Variants in FMR1NB observed in about 807,000 individuals in gnomAD.
FMR1NB encodes the protein FMR1 neighbor, also known as FMR1 neighbor protein.
Under a neutral mutation model 16.8 loss-of-function variants are expected in FMR1NB, and 10 were observed. The observed-to-expected ratio is 0.60, with a 90% confidence interval of 0.37 to 1.01. The LOEUF (loss-of-function observed/expected upper bound fraction) is 1.01, where lower values mean the gene tolerates loss of function less well. FMR1NB is among the 50% of genes least tolerant of loss of function. FMR1NB has a pLI of 0.01. For missense variants in FMR1NB, 205 were observed against 204.8 expected (o/e 1.00, Z 0.00); for synonymous variants, 83 against 79.1 (o/e 1.05, Z -0.26).
chrX:148,004,503 C>T (rs1396027243), intron 2 of FMR1NB, among the ~76,000 whole-genome samples: 3 of 112,167 alleles, frequency 2.7e-5, no homozygotes, highest in Non-Finnish European at 3.8e-5. Context: ...TTAATAGAAA[C>T]ATCTGACCTA....
At position 148,001,357 on chromosome X, in the gene FMR1NB, A is replaced by G. The variant is rs781839714; in HGVS notation, c.278-1844A>G. On this transcript the variant is annotated intron_variant, in intron 1 of 5. Transcript: ENST00000370467. ...GAATGAATGATAAATAAGTGAACAT[A>G]ATTACCATAAAATTTAGAATTTTTT... 2.8e-4 allele frequency among the ~76,000 whole-genome samples: 31 copies of G among 112,282 alleles called. 1 individual carries two copies. Among genetic ancestry groups the G allele is most frequent in the African/African-American group, 9.1e-4 (28 of 30,898 alleles).
At chrX:147,986,133 G>T (rs1485365691) in intron 1 of FMR1NB, among the ~76,000 whole-genome samples, 2 of 111,883 alleles carry the variant, frequency 1.8e-5, no homozygotes, top group East Asian at 2.8e-4. Flanking sequence ...AGAAGTGTCT[G>T]TTCCTATCCT....
intron 1 of FMR1NB, among the ~76,000 whole-genome samples, chrX:147,990,656 AACTATAATTTCTCTGTT>A (rs1557187518): frequency 8.9e-6 from 1 of 111,756 alleles, no homozygotes; most frequent in Non-Finnish European, 1.9e-5. Flanking sequence ...AATTATTATT[AACTATAATTTCTCTGTT>A]ACAAGGGAGG....
At position 147,983,060 on chromosome X, in the gene FMR1NB, T is replaced by C. The variant is rs1691596715; in HGVS notation, c.277+1381T>C. Among the ~76,000 whole-genome samples the C allele has an allele frequency of 4.5e-5, 5 of 112,202 alleles. No homozygotes were observed. The Admixed American group carries it at 4.7e-4, about 11-fold the overall frequency. ...ATTAAAACCCATACCCATGAACCAG[T>C]TACTCCCAATTCCCCAGTCCATAAG... On this transcript the variant is annotated intron_variant, in intron 1 of 5. Transcript: ENST00000370467.
chrX:147,986,178 C>A (rs189123243), intron 1 of FMR1NB, among the ~76,000 whole-genome samples: 72 of 112,139 alleles, frequency 6.4e-4, no homozygotes, highest in Middle Eastern at 9.3e-3. Flanking sequence ...TTATTTATTT[C>A]TTGTAAATTT....
At chrX:147,999,744 T>G (rs2044561742) in intron 1 of FMR1NB, among the ~76,000 whole-genome samples, 1 of 111,707 alleles carries the variant, frequency 9.0e-6, no homozygotes, top group South Asian at 3.7e-4. Flanking sequence ...TTCACTGATA[T>G]ATCCTCAAAA....
At chrX:148,013,750 T>C (rs1752420530) in intron 4 of FMR1NB, among the ~76,000 whole-genome samples, 1 of 111,695 alleles carries the variant, frequency 9.0e-6, no homozygotes, top group Non-Finnish European at 1.9e-5. Context: ...CTCTCGTGAA[T>C]TAGATGTTTT....
chrX:148,020,933 G>T (rs144305802), intron 4 of FMR1NB, among the ~76,000 whole-genome samples: 17 of 111,774 alleles, frequency 1.5e-4, no homozygotes, highest in African/African-American at 4.5e-4. Flanking sequence ...TAAATCCACT[G>T]ACTCTTAACC....
At chrX:148,013,181 T>G (rs2044633599) in intron 4 of FMR1NB, among the ~76,000 whole-genome samples, 1 of 111,845 alleles carries the variant, frequency 8.9e-6, no homozygotes, top group African/African-American at 3.2e-5. Context: ...ATGCGGATCA[T>G]ATGTCTGAGG....
intron 1 of FMR1NB, among the ~76,000 whole-genome samples, chrX:147,993,154 T>C (rs183103692): frequency 0.047 from 5,266 of 111,943 alleles, 117 homozygotes; most frequent in South Asian, 0.093. Context: ...CGAGACTCCG[T>C]CTGCAATTCC....
intron 4 of FMR1NB, among the ~76,000 whole-genome samples, chrX:148,015,092 A>T (rs1322447365): frequency 9.0e-6 from 1 of 111,214 alleles, no homozygotes; most frequent in African/African-American, 3.3e-5. Context: ...TTTCTTCTAG[A>T]TTTTACAATT....
At chrX:147,988,439 C>T (rs1024173768) in intron 1 of FMR1NB, among the ~76,000 whole-genome samples, 1 of 111,672 alleles carries the variant, frequency 9.0e-6, no homozygotes, top group Non-Finnish European at 1.9e-5. Context: ...CTGCTCTTAA[C>T]ATTTTTTCCT....
intron 1 of FMR1NB, among the ~76,000 whole-genome samples, chrX:147,990,275 G>T (rs868987257): frequency 2.7e-5 from 3 of 111,063 alleles, no homozygotes; most frequent in Admixed American, 9.5e-5. Context: ...CCCAGGTAAG[G>T]CGACACCCCA....
intron 4 of FMR1NB, among the ~76,000 whole-genome samples, chrX:148,020,181 A>G (rs183724990): frequency 3.2e-4 from 36 of 111,776 alleles, no homozygotes; most frequent in Non-Finnish European, 4.0e-4. Context: ...CCTTGTGGCA[A>G]TCAACACTGC....
rs781942835 is a variant in FMR1NB, at chrX:148,008,655, G to C, written c.576G>C (p.Ala192=). The change falls in exon 4 of 6, where the codon GCG becomes GCC. Residue 192 remains alanine (A), a synonymous_variant. Transcript: ENST00000370467. ...TGATGCAAATGTTTGGGCTTGGTGC[G>C]ATCAGCCTTATCCTGGTATGTCTGC... ...KQMMQMFGLG[A]ISLILVCLPI... is the part of the protein sequence containing the mutation. 8.3e-7 allele frequency: 1 copy of C among 1,211,648 alleles called. No individual in the cohort carries two copies.
At chrX:147,993,991 A>G (rs2044528713) in intron 1 of FMR1NB, among the ~76,000 whole-genome samples, 1 of 111,069 alleles carries the variant, frequency 9.0e-6, no homozygotes, top group African/African-American at 3.3e-5. Context: ...TAAGTCTCAG[A>G]TGGTTTTCTC....
At chrX:147,993,377 G>A (rs1039172267) in intron 1 of FMR1NB, among the ~76,000 whole-genome samples, 5 of 106,783 alleles carry the variant, frequency 4.7e-5, no homozygotes, top group African/African-American at 1.7e-4. Flanking sequence ...CTTCGGTTCC[G>A]CATGAGAGGG....
At chrX:148,024,797 A>T in intron 4 of FMR1NB, 68 bp from the exon 5 acceptor site, 1 of 1,145,018 alleles carries the variant, frequency 8.7e-7, no homozygotes, top group Non-Finnish European at 1.2e-6. Context: ...TTTTTTCCTT[A>T]TAACCCTCCC....
intron 1 of FMR1NB, among the ~76,000 whole-genome samples, chrX:148,001,201 G>T (rs2044568762): frequency 8.9e-6 from 1 of 111,941 alleles, no homozygotes; most frequent in African/African-American, 3.2e-5. Flanking sequence ...GACATAAAAA[G>T]AGACTTGAAT....
Sources: gnomAD v4.1 joint callset for allele counts (sites outside exome capture counted in the v4.1 genomes callset) on GRCh38, gnomAD v4.1.1 for gene constraint, MANE v1.5 for transcripts, NCBI Gene and HGNC (gene_info 2026-07-23, HGNC 2026-07-21) for gene names.